The following MOGAT1 variants were observed in gnomAD, a reference collection of about 807,000 sequenced individuals.
MOGAT1 encodes the protein monoacylglycerol O-acyltransferase 1, also known as 2-acylglycerol O-acyltransferase 1.
In MOGAT1, 32 loss-of-function variants were observed where a neutral mutation model predicts 31.4. That is an observed-to-expected ratio of 1.02 (90% CI 0.77 to 1.37). The LOEUF (loss-of-function observed/expected upper bound fraction) is 1.37, where lower values mean the gene tolerates loss of function less well. Ranked by LOEUF, MOGAT1 falls within the 40% of genes most tolerant of loss-of-function variation. MOGAT1 has a pLI of 0.00. For missense variants in MOGAT1, 426 were observed against 402.0 expected (o/e 1.06, Z -0.51); for synonymous variants, 145 against 144.5 (o/e 1.00, Z -0.03).
chr2:222,689,221 G>T, intron 2 of MOGAT1, 44 bp from the exon 3 acceptor site: 2 of 1,458,372 alleles, frequency 1.4e-6, no homozygotes, highest in South Asian at 2.6e-5. Context: ...AAAATAATAA[G>T]GGAAGTTTCT....
At chr2:222,687,890 G>A (rs1692696974) in intron 1 of MOGAT1, among the ~76,000 whole-genome samples, 1 of 152,260 alleles carries the variant, frequency 6.6e-6, no homozygotes, top group South Asian at 2.1e-4. Flanking sequence ...GTTCACATAG[G>A]GGAGCCAATG....
intron 5 of MOGAT1, among the ~76,000 whole-genome samples, chr2:222,701,302 GAGA>G (rs1317304302): frequency 1.0e-4 from 11 of 106,374 alleles, no homozygotes; most frequent in African/African-American, 3.4e-4. Flanking sequence ...AGGAGGAGGA[GAGA>G]GAGAGAGAGA....
chr2:222,704,360 C>T (rs1692972054), intron 5 of MOGAT1, among the ~76,000 whole-genome samples: 1 of 152,154 alleles, frequency 6.6e-6, no homozygotes, highest in Non-Finnish European at 1.5e-5. Context: ...CGCGGTGGCT[C>T]ACGCTTGTAA....
chr2:222,682,074 G>A (rs1483276947), intron 1 of MOGAT1, among the ~76,000 whole-genome samples: 1 of 151,970 alleles, frequency 6.6e-6, no homozygotes, highest in East Asian at 1.9e-4. Context: ...TCTAGATTTA[G>A]CAACTTTTTA....
intron 5 of MOGAT1, among the ~76,000 whole-genome samples, chr2:222,704,430 C>G (rs1692973439): frequency 6.6e-6 from 1 of 152,002 alleles, no homozygotes; most frequent in Non-Finnish European, 1.5e-5. Flanking sequence ...CGAGACCATC[C>G]TGGCTAACAC....
intron 1 of MOGAT1, 37 bp from the exon 2 acceptor site, chr2:222,688,307 A>T: frequency 6.4e-7 from 1 of 1,556,232 alleles, no homozygotes. Flanking sequence ...GCAGATACTA[A>T]CAGACTGATT....
At chr2:222,682,714 AGT>A (rs1284615170) in intron 1 of MOGAT1, among the ~76,000 whole-genome samples, 2 of 152,238 alleles carry the variant, frequency 1.3e-5, no homozygotes, top group Admixed American at 1.3e-4. Flanking sequence ...ATCAGATTAC[AGT>A]GTATATGTAA....
intron 5 of MOGAT1, among the ~76,000 whole-genome samples, chr2:222,696,896 G>A (rs756183186): frequency 2.6e-5 from 4 of 151,888 alleles, no homozygotes; most frequent in Admixed American, 6.6e-5. Context: ...AAAAATTAGC[G>A]GGGCACCATG....
intron 4 of MOGAT1, 60 bp from the exon 5 acceptor site, chr2:222,695,029 G>GA (rs1692819787): frequency 7.3e-7 from 1 of 1,364,166 alleles, no homozygotes; most frequent in African/African-American, 1.5e-5. Context: ...CAGCTAAACA[G>GA]AATAAATTAT....
intron 5 of MOGAT1, among the ~76,000 whole-genome samples, chr2:222,701,299 G>GGAGAGAGAGAGAGAGA (rs1553562912): frequency 3.3e-5 from 3 of 90,496 alleles, no homozygotes; most frequent in Admixed American, 1.2e-4. Flanking sequence ...AGGAGGAGGA[G>GGAGAGAGAGAGAGAGA]GAGAGAGAGA....
intron 1 of MOGAT1, among the ~76,000 whole-genome samples, chr2:222,679,024 A>G (rs1318500578): frequency 6.6e-6 from 1 of 152,156 alleles, no homozygotes; most frequent in African/African-American, 2.4e-5. Flanking sequence ...TAATAGTTTT[A>G]GGTTTTCCAT....
At chr2:222,697,189 G>A (rs1487595717) in intron 5 of MOGAT1, among the ~76,000 whole-genome samples, 1 of 152,174 alleles carries the variant, frequency 6.6e-6, no homozygotes, top group African/African-American at 2.4e-5. Context: ...GAAGCTGGAA[G>A]TAATATGTTC....
In MOGAT1 at chr2:222,676,146, TCTC is replaced by T. The variant is rs201224651; in HGVS notation, c.94+4270_94+4272del. Among the ~76,000 whole-genome samples, 1,080 of 149,252 alleles carry T rather than the reference TCTC, an allele frequency of 7.2e-3. 13 individuals are homozygous for T. The highest frequency in any genetic ancestry group is 0.025 in the African/African-American group (1,000 of 40,088). ...ACCCCCCTTCCCAAGCAACCACTGA[TCTC>T]CTTTTTTTTTTTTTTTAAATACAGA... On this transcript the variant is annotated intron_variant, in intron 1 of 5. Coordinates refer to ENST00000446656, the MANE Select transcript of MOGAT1 (RefSeq NM_058165.3).
At chr2:222,675,558 C>A (rs1259090655) in intron 1 of MOGAT1, among the ~76,000 whole-genome samples, 10 of 149,664 alleles carry the variant, frequency 6.7e-5, no homozygotes, top group African/African-American at 2.2e-4. Context: ...CGGCTCACTG[C>A]AAGCTCCGCC....
chr2:222,709,691 G>T, intron 5 of MOGAT1, 45 bp from the exon 6 acceptor site: 1 of 1,586,482 alleles, frequency 6.3e-7, no homozygotes, highest in South Asian at 1.1e-5. Context: ...GTCTGTGGTG[G>T]AGTGGTTTTA....
chr2:222,673,346 A>AAAAAAAC (rs1553561040), intron 1 of MOGAT1, among the ~76,000 whole-genome samples: 1 of 151,010 alleles, frequency 6.6e-6, no homozygotes, highest in African/African-American at 2.4e-5. Flanking sequence ...AAAAAAAAAA[A>AAAAAAAC]TGTAATTCAA....
chr2:222,685,654 G>A (rs954313735), intron 1 of MOGAT1, among the ~76,000 whole-genome samples: 1 of 140,688 alleles, frequency 7.1e-6, no homozygotes, highest in Non-Finnish European at 1.5e-5. Context: ...AGCCTGGAGT[G>A]CAATGGTGCG....
chr2:222,675,505 A>T (rs1692482811), intron 1 of MOGAT1, among the ~76,000 whole-genome samples: 1 of 130,268 alleles, frequency 7.7e-6, no homozygotes. Context: ...TTTGAGACGG[A>T]GTCTCACTCT....
chr2:222,674,856 A>C (rs775695208), intron 1 of MOGAT1, among the ~76,000 whole-genome samples: 3 of 152,156 alleles, frequency 2.0e-5, no homozygotes, highest in Non-Finnish European at 4.4e-5. Context: ...TTTTTGGTAG[A>C]AATGGGGCCT....
Sources: gnomAD v4.1 joint callset for allele counts (sites outside exome capture counted in the v4.1 genomes callset) on GRCh38, gnomAD v4.1.1 for gene constraint, MANE v1.5 for transcripts, NCBI Gene and HGNC (gene_info 2026-07-23, HGNC 2026-07-21) for gene names.